The following RAD51 variants were observed in gnomAD, a reference collection of about 807,000 sequenced individuals.
RAD51 encodes DNA repair protein RAD51 homolog 1.
RAD51 carries 14 observed loss-of-function variants against 41.5 expected under a neutral mutation model. The ratio of observed to expected loss-of-function variants is 0.34; its 90% CI spans 0.22 to 0.53. The LOEUF (loss-of-function observed/expected upper bound fraction) is 0.53, where lower values mean the gene tolerates loss of function less well. Among genes scored for constraint, RAD51 ranks in the 20% least tolerant of loss-of-function variants. The probability of loss-of-function intolerance (pLI) is 0.95; values close to 1 mark genes in which losing one functional copy is unlikely to be tolerated. For missense variants in RAD51, 234 were observed against 422.0 expected, an observed-to-expected ratio of 0.55 and a Z score of 3.90; for synonymous variants, 136 against 148.6, an observed-to-expected ratio of 0.92 and a Z score of 0.62.
chr15:40,702,164 T>C (rs1435834986), intron 3 of RAD51, among the ~76,000 whole-genome samples: 1 of 152,222 alleles, frequency 6.6e-6, no homozygotes, highest in African/African-American at 2.4e-5. Flanking sequence ...CTCAAATGAA[T>C]ATTTGCTGAA....
At chr15:40,708,249 T>G (rs1437771615) in intron 4 of RAD51, among the ~76,000 whole-genome samples, 1 of 148,388 alleles carries the variant, frequency 6.7e-6, no homozygotes, top group Non-Finnish European at 1.5e-5. Context: ...TTTTTTTTTT[T>G]GAGGAGTCTC....
At chr15:40,724,944 C>G (rs1240469519) in intron 6 of RAD51, among the ~76,000 whole-genome samples, 1 of 126,240 alleles carries the variant, frequency 7.9e-6, no homozygotes, top group East Asian at 2.3e-4. Flanking sequence ...CCAGGCCGGA[C>G]TGCGGACTGC....
chr15:40,710,501 CAAAAAAAAAA>C (rs747933816), intron 5 of RAD51, among the ~76,000 whole-genome samples: 8 of 48,762 alleles, frequency 1.6e-4, no homozygotes, highest in Middle Eastern at 9.1e-3. Context: ...GACTCTGTCT[CAAAAAAAAAA>C]AAAAAAAAAA....
chr15:40,732,129 G>C lies in RAD51; in HGVS notation c.*951G>C, dbSNP rs45577634. The C allele has an allele frequency of 0.012, 2,282 of 194,302 alleles. 58 individuals carry two copies. Among genetic ancestry groups the C allele is most frequent in the African/African-American group, 0.05 (2,139 of 43,162 alleles). 12.0% of individuals were successfully genotyped at this position (194,302 alleles called of 1,614,324 possible). The stretch of plus-strand genomic sequence containing the variant: ...GTAAGTAAACAGATTTGATTGTGAG[G>C]CTTCTAATAAAGTAGTTATTAGTAG... On this transcript the variant is annotated 3_prime_UTR_variant, in exon 10 of 10. Transcript: ENST00000267868.
intron 1 of RAD51, among the ~76,000 whole-genome samples, chr15:40,697,079 A>AT (rs1282669375): frequency 1.3e-5 from 2 of 151,942 alleles, no homozygotes; most frequent in East Asian, 1.9e-4. Context: ...TGCTGAATTT[A>AT]TTTTTTTATT....
intron 1 of RAD51, among the ~76,000 whole-genome samples, chr15:40,698,476 G>A (rs545867295): frequency 1.1e-4 from 17 of 152,200 alleles, no homozygotes; most frequent in African/African-American, 3.6e-4. Flanking sequence ...ATGAGCCACC[G>A]CGCCCCGCCA....
intron 4 of RAD51, among the ~76,000 whole-genome samples, chr15:40,706,776 A>G (rs1261070318): frequency 6.6e-6 from 1 of 152,200 alleles, no homozygotes; most frequent in Non-Finnish European, 1.5e-5. Context: ...TATTTATAAA[A>G]TACTAAACTT....
chr15:40,697,186 C>T (rs542732560), intron 1 of RAD51, among the ~76,000 whole-genome samples: 4 of 152,102 alleles, frequency 2.6e-5, no homozygotes, highest in African/African-American at 4.8e-5. Flanking sequence ...CCGCAACCTC[C>T]GCCTCCCGGG....
At position 40,728,417 on chromosome 15, in the gene RAD51, A is replaced by G. The variant is rs542275049; in HGVS notation, c.531-294A>G. On this transcript the variant is annotated intron_variant, in intron 6 of 9. Transcript: ENST00000267868. ...GGTTGCAATGAGATCACGCCGCTGC[A>G]CTCCAGCCTGGGTGACAGAGCAAGA... 4.3e-4 allele frequency among the ~76,000 whole-genome samples: 65 copies of G among 151,822 alleles called. No homozygotes were observed. The East Asian group carries it at 0.012, about 27-fold the overall frequency.
At chr15:40,730,520 CTTT>C (rs778467789) in intron 9 of RAD51, among the ~76,000 whole-genome samples, 5 of 113,106 alleles carry the variant, frequency 4.4e-5, no homozygotes, top group Middle Eastern at 4.2e-3. Flanking sequence ...AATTTTTTTT[CTTT>C]TTTTTTTTTT....
intron 1 of RAD51, chr15:40,695,663 T>C (rs771215263): frequency 1.3e-5 from 2 of 152,210 alleles, no homozygotes; most frequent in African/African-American, 2.4e-5. Flanking sequence ...CAACACCTAT[T>C]TTATGGGTTC....
chr15:40,721,338 G>A (rs904996996), intron 6 of RAD51, among the ~76,000 whole-genome samples: 1 of 151,770 alleles, frequency 6.6e-6, no homozygotes, highest in Non-Finnish European at 1.5e-5. Context: ...CGAAATGTCT[G>A]GAAAAAAAAG....
At chr15:40,710,326 A>AC (rs1327366310) in intron 5 of RAD51, among the ~76,000 whole-genome samples, 3 of 144,466 alleles carry the variant, frequency 2.1e-5, no homozygotes, top group African/African-American at 7.8e-5. Context: ...ACATGGTGAA[A>AC]CCCTGTCTCT....
At chr15:40,722,227 C>T (rs575824644) in intron 6 of RAD51, among the ~76,000 whole-genome samples, 17 of 152,140 alleles carry the variant, frequency 1.1e-4, no homozygotes, top group African/African-American at 3.6e-4. Flanking sequence ...GCCTGGCCAA[C>T]ATGGTGAATC....
intron 4 of RAD51, among the ~76,000 whole-genome samples, chr15:40,708,487 T>G (rs1343263450): frequency 6.6e-5 from 10 of 151,774 alleles, no homozygotes. Flanking sequence ...CTCGGCCCCC[T>G]AAAGTGCTGG....
At chr15:40,716,897 G>A (rs1212444296) in intron 5 of RAD51, among the ~76,000 whole-genome samples, 11 of 151,866 alleles carry the variant, frequency 7.2e-5, no homozygotes, top group Admixed American at 7.2e-4. Flanking sequence ...CCTGACCTCA[G>A]GTGATCCACC....
chr15:40,725,716 C>T (rs759434904), intron 6 of RAD51, among the ~76,000 whole-genome samples: 2 of 151,930 alleles, frequency 1.3e-5, no homozygotes, highest in Admixed American at 6.6e-5. Flanking sequence ...GGGCCAGACA[C>T]GGTGGCTCAC....
At chr15:40,695,825 A>G (rs1894588642) in intron 1 of RAD51, 1 of 152,214 alleles carries the variant, frequency 6.6e-6, no homozygotes. Flanking sequence ...TCTAATGCGG[A>G]AAACCATTCA....
chr15:40,701,325 CTG>C, intron 3 of RAD51, 124 bp downstream of exon 3: 1 of 1,004,486 alleles, frequency 1.0e-6, no homozygotes, highest in Non-Finnish European at 1.5e-6. Context: ...CCAGGGGTGA[CTG>C]TTACCTGTTT....
Sources: allele counts gnomAD v4.1 joint callset (sites outside exome capture counted in the v4.1 genomes callset), GRCh38; gene constraint gnomAD v4.1.1; transcripts MANE v1.5; gene names NCBI Gene and HGNC (gene_info 2026-07-23, HGNC 2026-07-21).